The following NGEF variants were observed in gnomAD, a reference collection of about 807,000 sequenced individuals.
NGEF encodes neuronal guanine nucleotide exchange factor.
Under a neutral mutation model 80.9 loss-of-function variants are expected in NGEF, and 31 were observed. That is an observed-to-expected ratio of 0.38 (90% CI 0.29 to 0.52). The LOEUF (loss-of-function observed/expected upper bound fraction) is 0.52, where lower values mean the gene tolerates loss of function less well. NGEF is among the 20% of genes least tolerant of loss of function. NGEF has a pLI of 0.84. For missense variants in NGEF, 709 were observed against 926.2 expected (o/e 0.77, Z 3.04); for synonymous variants, 371 against 370.2 (o/e 1.00, Z -0.03).
At chr2:232,883,571 G>T in intron 11 of NGEF, 105 bp from the exon 12 acceptor site, 1 of 1,166,976 alleles carries the variant, frequency 8.6e-7, no homozygotes, top group Non-Finnish European at 1.2e-6. Context: ...CACAGCGCTG[G>T]CTGATCTTCA....
chr2:232,927,247 G>T lies in NGEF; in HGVS notation c.384-61C>A, dbSNP rs547083379. ...TTTAAGCAAGGATTCACCTCGGCTG[G>T]CTAGCGAGGGGCGTGCGCACAGGCG... On this transcript the variant is annotated intron_variant, in intron 3 of 14. Transcript: ENST00000264051. 274 of 1,487,842 alleles carry T rather than the reference G, an allele frequency of 1.8e-4. No individual in the cohort carries two copies. In the African/African-American group the frequency reaches 3.6e-3, roughly 20 times the overall value. 92.2% of individuals were successfully genotyped at this position (1,487,842 alleles called of 1,614,324 possible).
intron 5 of NGEF, among the ~76,000 whole-genome samples, chr2:232,905,443 G>A (rs970016409): frequency 3.9e-5 from 6 of 152,078 alleles, no homozygotes; most frequent in East Asian, 1.9e-4. Context: ...GCGTGATCTC[G>A]GCTCGCTACA....
intron 3 of NGEF, chr2:232,928,243 CGGCGGCGGGGCGGG>C: frequency 1.1e-6 from 1 of 871,982 alleles, no homozygotes; most frequent in Non-Finnish European, 1.4e-6. Context: ...CGAGGCCGGG[CGGCGGCGGGGCGGG>C]GGCGCCCGGG....
chr2:232,891,026 G>T (rs1691865886), intron 8 of NGEF: 1 of 496,778 alleles, frequency 2.0e-6, no homozygotes, highest in Non-Finnish European at 4.1e-6. Flanking sequence ...TGTCAGCCAG[G>T]TCTCAGCTTA....
At chr2:232,904,055 A>T (rs1004938727) in intron 5 of NGEF, among the ~76,000 whole-genome samples, 1 of 152,162 alleles carries the variant, frequency 6.6e-6, no homozygotes, top group Non-Finnish European at 1.5e-5. Flanking sequence ...CCCAGCATCT[A>T]CCGAAAGAAA....
At chr2:232,962,156 T>A (rs1055424339) in intron 3 of NGEF, among the ~76,000 whole-genome samples, 4 of 152,244 alleles carry the variant, frequency 2.6e-5, no homozygotes, top group African/African-American at 9.6e-5. Flanking sequence ...GTGTGTCTAC[T>A]CTCACTGCTT....
rs141842084 is a variant in NGEF at position 232,988,123 on chromosome 2, G to C, written c.-74-13159C>G. Among the ~76,000 whole-genome samples, 324 of 150,268 alleles carry C rather than the reference G, an allele frequency of 2.2e-3. 4 individuals are homozygous for C. Among genetic ancestry groups the C allele is most frequent in the East Asian group, 0.019 (96 of 5,012 alleles). ...AGACCCCAGAGGGATGCCTCCTACC[G>C]CTGTGCGCAGCTGGTGGAGTAGAGG... is the stretch of plus-strand genomic sequence containing the variant. On this transcript the variant is annotated intron_variant, in intron 1 of 14. Coordinates refer to ENST00000264051, the MANE Select transcript of NGEF (RefSeq NM_019850.3).
At chr2:232,995,590 T>C (rs1012873445) in intron 1 of NGEF, among the ~76,000 whole-genome samples, 6 of 124,792 alleles carry the variant, frequency 4.8e-5, no homozygotes, top group African/African-American at 8.0e-5. Context: ...ATACAGTATG[T>C]ATACTGTATA....
intron 3 of NGEF, among the ~76,000 whole-genome samples, chr2:232,966,617 T>TG (rs1553555448): frequency 6.6e-6 from 1 of 151,852 alleles, no homozygotes; most frequent in Non-Finnish European, 1.5e-5. Flanking sequence ...CCCTGACAAC[T>TG]CCCCCAAACA....
At chr2:232,927,925 C>A (rs1035312951) in intron 3 of NGEF, 3 of 1,334,326 alleles carry the variant, frequency 2.2e-6, no homozygotes, top group African/African-American at 3.1e-5. Flanking sequence ...CCGAGTCGCG[C>A]GCGTCGCTTT....
At chr2:232,880,043 C>T (rs951566985) in intron 14 of NGEF, among the ~76,000 whole-genome samples, 2 of 152,038 alleles carry the variant, frequency 1.3e-5, no homozygotes, top group Non-Finnish European at 2.9e-5. Context: ...GGGTGGCAGC[C>T]GAGCACGTGG....
chr2:232,966,503 C>G (rs553669256), intron 3 of NGEF, among the ~76,000 whole-genome samples: 1 of 152,038 alleles, frequency 6.6e-6, no homozygotes, highest in Non-Finnish European at 1.5e-5. Context: ...GAACAAGGTG[C>G]CTGTTCCCCA....
Position 232,884,068 on chromosome 2 carries a change from G to A in NGEF, c.1514C>T (p.Ser505Phe). ...GAGCTTCTTGGTCCTCAGGGTCCGG[G>A]AGGTCTTGGGGCCTGACATCTGCTG... is the stretch of plus-strand genomic sequence containing the variant. ...ELQQMSGPKTSRTLRTKKLFH... is the reference protein window; with the variant it reads ...ELQQMSGPKTFRTLRTKKLFH... The change falls in exon 11 of 15, where the codon TCC becomes TTC. Residue 505 changes from serine (S) to phenylalanine (F), a missense_variant. By Grantham distance (155) the Ser-to-Phe change is radical. Coordinates refer to ENST00000264051, the MANE Select transcript of NGEF (RefSeq NM_019850.3). 6.2e-7 allele frequency: 1 copy of A among 1,613,064 alleles called. No individual in the cohort carries two copies. Among genetic ancestry groups the A allele is most frequent in the South Asian group, 1.1e-5 (1 of 90,886 alleles).
Position 232,929,409 on chromosome 2 carries a change from A to G in NGEF, c.384-2223T>C, listed in dbSNP as rs1036041289. On this transcript the variant is annotated intron_variant, in intron 3 of 14. Transcript: ENST00000264051. Reference sequence around the variant, plus strand: ...TGCCTGGAAGGGAGCTCTCCTCCCCACGTGGTCTGACTTCCCCAGCTTTGA... The same window carrying G: ...TGCCTGGAAGGGAGCTCTCCTCCCCGCGTGGTCTGACTTCCCCAGCTTTGA... Among the ~76,000 whole-genome samples the G allele has an allele frequency of 3.3e-5, 5 of 152,194 alleles. 1 individual carries two copies. The East Asian group carries it at 9.6e-4, about 29-fold the overall frequency.
At chr2:232,971,871 A>T (rs1694192557) in intron 2 of NGEF, among the ~76,000 whole-genome samples, 1 of 152,022 alleles carries the variant, frequency 6.6e-6, no homozygotes, top group East Asian at 1.9e-4. Flanking sequence ...CATCCCAGAC[A>T]CAGCCCTACA....
At chr2:232,937,206 G>A (rs753914438) in intron 3 of NGEF, among the ~76,000 whole-genome samples, 13 of 152,124 alleles carry the variant, frequency 8.5e-5, no homozygotes, top group Non-Finnish European at 1.5e-4. Context: ...GACCTCAAGT[G>A]ATCCACCTGC....
chr2:232,989,752 G>A (rs149815916), intron 1 of NGEF, among the ~76,000 whole-genome samples: 5 of 152,300 alleles, frequency 3.3e-5, no homozygotes, highest in Admixed American at 2.0e-4. Flanking sequence ...TATGGAATAA[G>A]GATGAACAGT....
intron 2 of NGEF, among the ~76,000 whole-genome samples, chr2:232,972,062 T>C (rs959429454): frequency 2.6e-5 from 4 of 152,234 alleles, no homozygotes; most frequent in South Asian, 2.1e-4. Context: ...TTTTATTTAA[T>C]GTAATTTACA....
chr2:232,953,002 CA>C (rs1049190168), intron 3 of NGEF, among the ~76,000 whole-genome samples: 26 of 87,060 alleles, frequency 3.0e-4, no homozygotes, highest in Admixed American at 2.6e-3. Flanking sequence ...AAAAAAACAA[CA>C]AAAAAGCAAA....
Sources: allele counts gnomAD v4.1 joint callset (sites outside exome capture counted in the v4.1 genomes callset), GRCh38; gene constraint gnomAD v4.1.1; transcripts MANE v1.5; gene names NCBI Gene and HGNC (gene_info 2026-07-23, HGNC 2026-07-21).